RGS8: variants seen among roughly 807,000 people sequenced by gnomAD.
The protein encoded by RGS8 is regulator of G-protein signaling 8.
RGS8 carries 8 observed loss-of-function variants against 21.7 expected under a neutral mutation model. That is an observed-to-expected ratio of 0.37 (90% confidence interval 0.22 to 0.66). The LOEUF (loss-of-function observed/expected upper bound fraction) is 0.66, where lower values mean the gene tolerates loss of function less well. RGS8 is among the 30% of genes least tolerant of loss of function. RGS8 has a pLI of 0.59. For synonymous variants in RGS8, 80 were observed against 83.6 expected (o/e 0.96, Z 0.24); for missense variants, 157 against 217.9 (o/e 0.72, Z 1.76).
At chr1:182,723,232 A>G in the RGS8 span, among the ~76,000 whole-genome samples, 1 of 152,346 alleles carries the variant, frequency 6.6e-6, no homozygotes, top group East Asian at 1.9e-4. Context: ...TGAGGAATCC[A>G]GGAATGGCTT....
At chr1:182,734,583 A>G in the RGS8 span, 1 of 152,258 alleles carries the variant, frequency 6.6e-6, no homozygotes, top group Middle Eastern at 3.4e-3. Flanking sequence ...TTTTTCATGC[A>G]TTTTTTATGT....
At chr1:182,685,645 C>T (rs745474927), upstream of RGS8, among the ~76,000 whole-genome samples, 1 of 152,136 alleles carries the variant, frequency 6.6e-6, no homozygotes, top group Non-Finnish European at 1.5e-5. Flanking sequence ...GAGGGCAGAA[C>T]ACGACTCTTG....
intron 2 of RGS8, 137 bp from the exon 4 acceptor site, chr1:182,669,889 T>G (rs966925345): frequency 3.0e-6 from 3 of 992,472 alleles, no homozygotes; most frequent in Non-Finnish European, 4.2e-6. Context: ...CCACTTGTCC[T>G]TAGCAGGGGC....
At chr1:182,697,457 A>G in the RGS8 span, among the ~76,000 whole-genome samples, 1 of 152,220 alleles carries the variant, frequency 6.6e-6, no homozygotes, top group African/African-American at 2.4e-5. Flanking sequence ...CAGTTCCCTT[A>G]TTCTTAAGTA....
chr1:182,750,754 G>A, the RGS8 span, among the ~76,000 whole-genome samples: 1 of 150,016 alleles, frequency 6.7e-6, no homozygotes, highest in South Asian at 2.1e-4. Flanking sequence ...ATGCTTTTAG[G>A]AAGTTTACTA....
chr1:182,737,887 G>A, the RGS8 span, among the ~76,000 whole-genome samples: 3 of 152,118 alleles, frequency 2.0e-5, no homozygotes, highest in South Asian at 2.1e-4. Context: ...ACAACCACAC[G>A]AGTGAATTTG....
At chr1:182,695,661 A>G in the RGS8 span, among the ~76,000 whole-genome samples, 1 of 152,192 alleles carries the variant, frequency 6.6e-6, no homozygotes, top group Non-Finnish European at 1.5e-5. Context: ...TATTTCCTCC[A>G]ACCCAGGCTA....
In RGS8 at chr1:182,662,668, A is replaced by T. The variant is rs539806527; in HGVS notation, c.193+3301T>A. On this transcript the variant is annotated intron_variant, in intron 5 of 6. Transcript: ENST00000483095. ...TATTGACAAGACGGAATTGAAGAGG[A>T]GCACTGATGTCAGGATTCTATTTGG... Among the ~76,000 whole-genome samples, 3 of 152,322 alleles carry T rather than the reference A, an allele frequency of 2.0e-5. No homozygotes were observed. The East Asian group carries it at 5.8e-4, about 29-fold the overall frequency.
At chr1:182,700,697 A>G in the RGS8 span, among the ~76,000 whole-genome samples, 23 of 152,370 alleles carry the variant, frequency 1.5e-4, 2 homozygotes, top group South Asian at 4.4e-3. Context: ...AAAACCGAAC[A>G]GCATTTAAAA....
At chr1:182,658,992 T>G (rs1210345352) in intron 5 of RGS8, among the ~76,000 whole-genome samples, 1 of 152,246 alleles carries the variant, frequency 6.6e-6, no homozygotes, top group Non-Finnish European at 1.5e-5. Flanking sequence ...GTAATTTTCT[T>G]CAATGATCTC....
the RGS8 span, among the ~76,000 whole-genome samples, chr1:182,740,939 C>T: frequency 6.6e-6 from 1 of 152,088 alleles, no homozygotes; most frequent in African/African-American, 2.4e-5. Flanking sequence ...AATGAAAAGT[C>T]TCCCATGTCT....
At chr1:182,729,118 A>G in the RGS8 span, among the ~76,000 whole-genome samples, 7 of 152,344 alleles carry the variant, frequency 4.6e-5, no homozygotes, top group East Asian at 1.3e-3. Context: ...TTCAAGTTTC[A>G]TGAATTAGCT....
At chr1:182,735,933 G>A in the RGS8 span, among the ~76,000 whole-genome samples, 1 of 152,172 alleles carries the variant, frequency 6.6e-6, no homozygotes, top group African/African-American at 2.4e-5. Context: ...AGGCCACAGA[G>A]TGCCTTCCTT....
the RGS8 span, among the ~76,000 whole-genome samples, chr1:182,721,144 T>C: frequency 1.3e-5 from 2 of 150,806 alleles, no homozygotes; most frequent in Admixed American, 1.3e-4. Context: ...TTTAGTCTTC[T>C]TTAGTCTGAT....
chr1:182,667,083 C>A, intron 3 of RGS8, 110 bp from the exon 5 acceptor site: 1 of 828,572 alleles, frequency 1.2e-6, no homozygotes, highest in South Asian at 1.4e-5. Flanking sequence ...TGCCCCCACC[C>A]TTCCCCAGGT....
the RGS8 span, among the ~76,000 whole-genome samples, chr1:182,732,697 G>A: frequency 6.6e-6 from 1 of 152,306 alleles, no homozygotes; most frequent in African/African-American, 2.4e-5. Flanking sequence ...GAAACTGAAT[G>A]TTATGTATTA....
chr1:182,717,987 G>A, the RGS8 span, among the ~76,000 whole-genome samples: 1 of 152,150 alleles, frequency 6.6e-6, no homozygotes, highest in Non-Finnish European at 1.5e-5. Context: ...TTTCATCAAA[G>A]GAGAGAATAC....
At chr1:182,702,337 G>C in the RGS8 span, among the ~76,000 whole-genome samples, 2 of 152,170 alleles carry the variant, frequency 1.3e-5, no homozygotes, top group South Asian at 4.2e-4. Context: ...ATAAACATTG[G>C]GTACTCACGG....
the RGS8 span, among the ~76,000 whole-genome samples, chr1:182,741,378 TC>T: frequency 8.1e-6 from 1 of 123,554 alleles, no homozygotes; most frequent in Admixed American, 7.7e-5. Context: ...CCCACCTCCC[TC>T]CCGGACGGGG....
Sources: allele counts gnomAD v4.1 joint callset (sites outside exome capture counted in the v4.1 genomes callset), GRCh38; gene constraint gnomAD v4.1.1; transcripts MANE v1.5; gene names NCBI Gene and HGNC (gene_info 2026-07-23, HGNC 2026-07-21).